Variants in AARS1 observed in about 807,000 individuals in gnomAD.
AARS1 encodes alanine--tRNA ligase, cytoplasmic.
AARS1 carries 72 observed loss-of-function variants against 108.9 expected under a neutral mutation model. That is an observed-to-expected ratio of 0.66 (90% confidence interval 0.55 to 0.80). The LOEUF is 0.80. Ranked by LOEUF, AARS1 falls within the 30% of genes least tolerant of loss-of-function variation. AARS1 has a pLI of 0.00. For missense variants in AARS1, 1,193 were observed against 1,233.2 expected, an observed-to-expected ratio of 0.97 and a Z score of 0.49; for synonymous variants, 489 against 465.7, an observed-to-expected ratio of 1.05 and a Z score of -0.64.
intron 5 of AARS1, among the ~76,000 whole-genome samples, chr16:70,271,375 A>G (rs1960397704): frequency 6.6e-6 from 1 of 151,196 alleles, no homozygotes; most frequent in Admixed American, 6.6e-5. Flanking sequence ...CTAAAAATAC[A>G]AAATTAGCCG....
chr16:70,282,782 G>C lies in AARS1; in HGVS notation c.-19C>G, dbSNP rs201533486. ...AGTCCATCTTGAAAGTCACCCCAAA[G>C]AACTAATCAAAGAAAAAAAAATGAA... On this transcript the variant is annotated splice_region_variant and 5_prime_UTR_variant, in exon 2 of 21. Transcript: ENST00000261772. 2 of 1,612,728 alleles carry C rather than the reference G, an allele frequency of 1.2e-6. No individual in the cohort carries two copies. Among genetic ancestry groups the C allele is most frequent in the African/African-American group, 1.3e-5 (1 of 74,668 alleles).
intron 15 of AARS1, among the ~76,000 whole-genome samples, chr16:70,257,747 C>T (rs1257077810): frequency 6.6e-6 from 1 of 152,210 alleles, no homozygotes; most frequent in Non-Finnish European, 1.5e-5. Flanking sequence ...AGCCTTCTTG[C>T]TAGTTTCAGC....
At chr16:70,287,928 G>C (rs1335284531) in intron 1 of AARS1, among the ~76,000 whole-genome samples, 1 of 150,970 alleles carries the variant, frequency 6.6e-6, no homozygotes, top group Non-Finnish European at 1.5e-5. Context: ...ACCACACCTA[G>C]CTAATTTTGT....
chr16:70,281,195 T>C (rs1237705796), intron 2 of AARS1, among the ~76,000 whole-genome samples: 1 of 152,156 alleles, frequency 6.6e-6, no homozygotes, highest in Admixed American at 6.6e-5. Flanking sequence ...TCTTCAGCAA[T>C]GGATCCAAAA....
At chr16:70,266,376 G>C (rs1393730578) in intron 9 of AARS1, among the ~76,000 whole-genome samples, 1 of 151,582 alleles carries the variant, frequency 6.6e-6, no homozygotes, top group Non-Finnish European at 1.5e-5. Flanking sequence ...GACACCTGTA[G>C]TCCCAGCTAC....
At chr16:70,263,017 T>C (rs894022623) in intron 11 of AARS1, among the ~76,000 whole-genome samples, 1 of 121,928 alleles carries the variant, frequency 8.2e-6, no homozygotes, top group African/African-American at 3.1e-5. Flanking sequence ...ACAAAGGGCT[T>C]CGCATGCTGG....
In AARS1 at chr16:70,267,734, G is replaced by A. The variant is rs1329226456; in HGVS notation, c.1147C>T (p.Leu383Phe). ...CGACGCCCTCTGCTGAGAGTCTTGA[G>A]AAACTGCACCTCTTCTTCATTAATG... is the stretch of plus-strand genomic sequence containing the variant. ...DIINEEEVQF[L>F]KTLSRGRRIL... is the part of the protein sequence containing the mutation. Residue 383 changes from leucine (L) to phenylalanine (F), a missense_variant, in exon 9 of 21, where the codon CTC becomes TTC. Coordinates refer to ENST00000261772, the MANE Select transcript of AARS1 (RefSeq NM_001605.3). 1.9e-6 allele frequency: 3 copies of A among 1,614,150 alleles called. No individual in the cohort carries two copies. Among genetic ancestry groups the A allele is most frequent in the Non-Finnish European group, 2.5e-6 (3 of 1,180,030 alleles).
rs773114681 is a variant in AARS1, at chr16:70,255,843, G to C, written c.2178-7C>G. 3 of 1,611,194 alleles carry C rather than the reference G, an allele frequency of 1.9e-6. No homozygotes were observed. In the East Asian group the frequency reaches 6.7e-5, roughly 36 times the overall value. On this transcript the variant is annotated splice_polypyrimidine_tract_variant and splice_region_variant and intron_variant, in intron 15 of 20. Transcript: ENST00000261772. ...ACTCGAGTTCCGCAGGTGCCTGAATGGCAGAACACAAAGTCCATAGTGAAA... is the reference window on the plus strand; with the variant it reads ...ACTCGAGTTCCGCAGGTGCCTGAATCGCAGAACACAAAGTCCATAGTGAAA...
At chr16:70,272,518 A>C (rs1243976989) in intron 4 of AARS1, among the ~76,000 whole-genome samples, 1 of 148,774 alleles carries the variant, frequency 6.7e-6, no homozygotes, top group Non-Finnish European at 1.5e-5. Flanking sequence ...AAAAAAAAAA[A>C]AAAAAAAAAA....
chr16:70,275,776 A>AAT (rs1250793085), intron 4 of AARS1, among the ~76,000 whole-genome samples: 4 of 149,910 alleles, frequency 2.7e-5, no homozygotes, highest in East Asian at 2.0e-4. Context: ...CAACAACAAA[A>AAT]ATATATATAT....
intron 2 of AARS1, among the ~76,000 whole-genome samples, chr16:70,281,327 G>A (rs1430072229): frequency 6.6e-6 from 1 of 152,122 alleles, no homozygotes; most frequent in Non-Finnish European, 1.5e-5. Context: ...ATGAGCTCGA[G>A]ACCAGCCTGA....
chr16:70,278,397 C>G (rs1960604684), intron 2 of AARS1, among the ~76,000 whole-genome samples: 1 of 151,856 alleles, frequency 6.6e-6, no homozygotes, highest in African/African-American at 2.4e-5. Context: ...GAAACCCTGT[C>G]TCCACTAAAA....
At chr16:70,277,669 G>C (rs184071956) in intron 2 of AARS1, among the ~76,000 whole-genome samples, 3 of 152,094 alleles carry the variant, frequency 2.0e-5, no homozygotes, top group Admixed American at 2.0e-4. Context: ...GTCATGCTTT[G>C]ATGTATCATT....
In AARS1 at chr16:70,252,357, T is replaced by C; in HGVS notation, c.*364A>G. 1 of 360,280 alleles carries C rather than the reference T, an allele frequency of 2.8e-6. No homozygotes were observed. Among genetic ancestry groups the C allele is most frequent in the East Asian group, 6.6e-5 (1 of 15,134 alleles). The allele number at this position is 360,280 out of a possible 1,614,324, so 22.3% of individuals were successfully genotyped here. A position where few individuals can be genotyped will look rare whatever the true frequency, so the allele number is the denominator to read the frequency against. ...GGCTGTCAAAAGAGCCAGCCCCTAT[T>C]GGGAAGAGGGATAGAGATCATGCGG... On this transcript the variant is annotated 3_prime_UTR_variant, in exon 21 of 21. Transcript: ENST00000261772.
chr16:70,265,713 A>G (rs762763634), intron 9 of AARS1, 51 bp from the exon 10 acceptor site: 40 of 1,607,914 alleles, frequency 2.5e-5, no homozygotes, highest in Admixed American at 1.5e-4. Context: ...CCCCTTTTCC[A>G]TGCCAAGCCC....
chr16:70,271,327 G>A (rs974814130), intron 5 of AARS1, among the ~76,000 whole-genome samples: 6 of 152,072 alleles, frequency 3.9e-5, no homozygotes, highest in East Asian at 1.9e-4. Flanking sequence ...TTGGGAGTTC[G>A]AGACCAGCCT....
In AARS1 at chr16:70,276,520, C is replaced by T; in HGVS notation, c.445G>A (p.Asp149Asn). ...GGDEAAGLEA[D>N]LECKQIWQNL... ...TGCCAGATCTGTTTGCATTCCAGATCTGCTTCTAAGCCAGCTGCTTCATCC... is the reference window on the plus strand; with the variant it reads ...TGCCAGATCTGTTTGCATTCCAGATTTGCTTCTAAGCCAGCTGCTTCATCC... The change falls in exon 4 of 21, where the codon GAT becomes AAT. Residue 149 changes from aspartate (D) to asparagine (N), a missense_variant. Coordinates refer to ENST00000261772, the MANE Select transcript of AARS1 (RefSeq NM_001605.3). 6.2e-7 allele frequency: 1 copy of T among 1,614,110 alleles called. No individual in the cohort carries two copies. The highest frequency in any genetic ancestry group is 2.2e-5 in the East Asian group (1 of 44,864).
chr16:70,253,952 C>G lies in AARS1; in HGVS notation c.2487G>C (p.Leu829Phe). 1.2e-6 allele frequency: 2 copies of G among 1,614,222 alleles called. No homozygotes were observed. Among genetic ancestry groups the G allele is most frequent in the Non-Finnish European group, 1.7e-6 (2 of 1,180,046 alleles). The change falls in exon 18 of 21, where the codon TTG becomes TTC. Residue 829 changes from leucine to phenylalanine, a missense_variant. Coordinates refer to ENST00000261772, the MANE Select transcript of AARS1 (RefSeq NM_001605.3). ...GGACATCGGCTTTGCTGGCTCGGTC[C>G]AAGTCATCCATGACCTTCTTTAGGG... is the stretch of plus-strand genomic sequence containing the variant. Reference protein sequence around the residue: ...LKSLKKVMDDLDRASKADVQK... With the variant: ...LKSLKKVMDDFDRASKADVQK...
intron 1 of AARS1, among the ~76,000 whole-genome samples, chr16:70,288,429 G>A (rs911297774): frequency 3.3e-5 from 5 of 149,928 alleles, no homozygotes; most frequent in African/African-American, 1.0e-4. Context: ...TCTTGATAAG[G>A]CTCCCCCTCT....
Sources: allele counts gnomAD v4.1 joint callset (sites outside exome capture counted in the v4.1 genomes callset), GRCh38; gene constraint gnomAD v4.1.1; transcripts MANE v1.5; gene names NCBI Gene and HGNC (gene_info 2026-07-23, HGNC 2026-07-21).